The following PPFIBP2 variants were observed in gnomAD, a reference collection of about 807,000 sequenced individuals.
The protein encoded by PPFIBP2 is PPFIB scaffold protein 2.
A neutral mutation model predicts 118.3 loss-of-function variants in PPFIBP2; 118 were observed. The observed-to-expected ratio is 1.00, with a 90% CI of 0.86 to 1.16. PPFIBP2 has a LOEUF of 1.16. Ranked by LOEUF, PPFIBP2 falls within the 50% of genes most tolerant of loss-of-function variation. The pLI is 0.00. For synonymous variants in PPFIBP2, 414 were observed against 397.4 expected, an observed-to-expected ratio of 1.04 and a Z score of -0.50; for missense variants, 1,195 against 1,073.1, an observed-to-expected ratio of 1.11 and a Z score of -1.59.
intron 22 of PPFIBP2, 77 bp downstream of exon 22, chr11:7,651,042 C>T: frequency 1.4e-6 from 2 of 1,440,374 alleles, no homozygotes; most frequent in Admixed American, 4.2e-5. Context: ...AAGGACAAGG[C>T]ACAAAAGCTA....
Position 7,613,100 on chromosome 11 carries a change from T to C in PPFIBP2, c.618+2678T>C, listed in dbSNP as rs1005728601. ...GGAACAGGCAGGATTCTTTTTTTTT[T>C]CCCCCTCAGGTGTGAGATAGCCAGA... On this transcript the variant is annotated intron_variant, in intron 6 of 23. Coordinates refer to ENST00000299492, the MANE Select transcript of PPFIBP2 (RefSeq NM_003621.5). 1.1e-4 allele frequency among the ~76,000 whole-genome samples: 17 copies of C among 152,260 alleles called. No individual in the cohort carries two copies. In the South Asian group the frequency reaches 1.2e-3, roughly 11 times the overall value.
In PPFIBP2 at chr11:7,626,184, T is replaced by C. The variant is rs534239883; in HGVS notation, c.826+293T>C. 3.9e-5 allele frequency among the ~76,000 whole-genome samples: 6 copies of C among 152,320 alleles called. No individual in the cohort carries two copies. The South Asian group carries it at 1.2e-3, about 32-fold the overall frequency. On this transcript the variant is annotated intron_variant, in intron 8 of 23. Transcript: ENST00000299492. ...TTCTGTGCAGCCACCTCTGGAGCTT[T>C]TACTGAAAATGTAGGAAATACCTAA...
Position 7,653,662 on chromosome 11 carries a change from A to G in PPFIBP2, c.*444A>G. The G allele has an allele frequency of 7.7e-7, 1 of 1,291,344 alleles. No homozygotes were observed. The highest frequency in any genetic ancestry group is 1.2e-5 in the South Asian group (1 of 80,890). The allele number at this position is 1,291,344 out of a possible 1,614,324, so 80.0% of individuals were successfully genotyped here. A position where few individuals can be genotyped will look rare whatever the true frequency, so the allele number is the denominator to read the frequency against. The stretch of plus-strand genomic sequence containing the variant: ...GGCTGAGATCAAAGGGATGAGCAAC[A>G]GGGACTTCTGCCACAGTGACAATGG... On this transcript the variant is annotated 3_prime_UTR_variant, in exon 24 of 24. Coordinates refer to ENST00000299492, the MANE Select transcript of PPFIBP2 (RefSeq NM_003621.5).
chr11:7,575,750 C>G (rs537221248), intron 3 of PPFIBP2, among the ~76,000 whole-genome samples: 6 of 152,230 alleles, frequency 3.9e-5, no homozygotes, highest in African/African-American at 1.4e-4. Flanking sequence ...GAAAAACCAA[C>G]CTACTGACCC....
At chr11:7,646,883 A>G (rs942120874) in intron 17 of PPFIBP2, among the ~76,000 whole-genome samples, 1 of 152,170 alleles carries the variant, frequency 6.6e-6, no homozygotes, top group East Asian at 1.9e-4. Flanking sequence ...TCAGTTTTGC[A>G]AAACTTGCAA....
intron 17 of PPFIBP2, among the ~76,000 whole-genome samples, chr11:7,646,575 T>C (rs1053712179): frequency 2.0e-5 from 3 of 152,260 alleles, no homozygotes; most frequent in Non-Finnish European, 4.4e-5. Context: ...AAAGAAGTAC[T>C]ATAGCTGGAT....
At chr11:7,579,102 A>G (rs574255403) in intron 3 of PPFIBP2, among the ~76,000 whole-genome samples, 11 of 152,162 alleles carry the variant, frequency 7.2e-5, no homozygotes, top group African/African-American at 2.7e-4. Context: ...GGTATATGGT[A>G]AGCTATGTTG....
chr11:7,642,571 A>C, intron 17 of PPFIBP2, 145 bp downstream of exon 17: 1 of 903,702 alleles, frequency 1.1e-6, no homozygotes, highest in Non-Finnish European at 1.6e-6. Flanking sequence ...TCCCTACAGT[A>C]CGTCATTTCC....
chr11:7,516,753 C>T (rs1344870490), intron 1 of PPFIBP2, among the ~76,000 whole-genome samples: 1 of 152,164 alleles, frequency 6.6e-6, no homozygotes, highest in Non-Finnish European at 1.5e-5. Context: ...GTCTTCCAGC[C>T]AGGGTAGGTG....
intron 17 of PPFIBP2, among the ~76,000 whole-genome samples, chr11:7,645,789 T>C (rs76244321): frequency 0.067 from 10,142 of 152,156 alleles, 942 homozygotes; most frequent in African/African-American, 0.21. Context: ...AAAACACTTA[T>C]TTCCCCTTTA....
chr11:7,531,664 T>A (rs1379202939), intron 1 of PPFIBP2, among the ~76,000 whole-genome samples: 1 of 151,942 alleles, frequency 6.6e-6, no homozygotes, highest in African/African-American at 2.4e-5. Context: ...GTGTGTAGGA[T>A]CAAATGGGGG....
chr11:7,546,555 T>C (rs1852349350), intron 1 of PPFIBP2, among the ~76,000 whole-genome samples: 1 of 152,224 alleles, frequency 6.6e-6, no homozygotes. Context: ...ACCTGATTTG[T>C]TAGGCATTGG....
chr11:7,589,744 G>A (rs4551757), intron 3 of PPFIBP2, among the ~76,000 whole-genome samples: 90,514 of 151,988 alleles, frequency 0.6, 27,112 homozygotes, highest in East Asian at 0.67. Flanking sequence ...CTGCTCTATC[G>A]CTGACTTACC....
At chr11:7,533,033 G>GTT (rs5789525) in intron 1 of PPFIBP2, among the ~76,000 whole-genome samples, 2,565 of 148,840 alleles carry the variant, frequency 0.017, 64 homozygotes, top group African/African-American at 0.055. Context: ...ATTCATATCT[G>GTT]TTTTTTTTTG....
At chr11:7,544,611 A>G (rs1001617770) in intron 1 of PPFIBP2, among the ~76,000 whole-genome samples, 2 of 151,792 alleles carry the variant, frequency 1.3e-5, no homozygotes, top group African/African-American at 4.8e-5. Context: ...CATCTCTACT[A>G]AAAATACAGA....
intron 2 of PPFIBP2, among the ~76,000 whole-genome samples, chr11:7,550,701 C>T (rs11041442): frequency 0.06 from 9,142 of 152,176 alleles, 353 homozygotes; most frequent in South Asian, 0.15. Context: ...GTATTGATCC[C>T]GGGTGTGTCT....
chr11:7,575,085 C>T (rs1366969544), intron 3 of PPFIBP2, among the ~76,000 whole-genome samples: 1 of 152,052 alleles, frequency 6.6e-6, no homozygotes, highest in Admixed American at 6.6e-5. Context: ...CTTTTTGTGT[C>T]GAACATCTTT....
intron 7 of PPFIBP2, 38 bp from the exon 8 acceptor site, chr11:7,625,739 C>A (rs1207890381): frequency 1.3e-6 from 2 of 1,560,380 alleles, no homozygotes; most frequent in Non-Finnish European, 1.8e-6. Context: ...ATTTGGCAGT[C>A]CTTCTGACCT....
intron 3 of PPFIBP2, among the ~76,000 whole-genome samples, chr11:7,574,958 G>T (rs1002422193): frequency 3.9e-5 from 6 of 152,106 alleles, no homozygotes; most frequent in African/African-American, 1.4e-4. Flanking sequence ...CAGTTTATCT[G>T]GATTCTTCCC....
Sources: allele counts gnomAD v4.1 joint callset (sites outside exome capture counted in the v4.1 genomes callset), GRCh38; gene constraint gnomAD v4.1.1; transcripts MANE v1.5; gene names NCBI Gene and HGNC (gene_info 2026-07-23, HGNC 2026-07-21).